Variants in NBAS observed in about 807,000 individuals in gnomAD.
NBAS encodes NAG/BC035112 fusion.
In NBAS, 219 loss-of-function variants were observed where a neutral mutation model predicts 302.5. That is an observed-to-expected ratio of 0.72 (90% CI 0.65 to 0.81). The LOEUF (loss-of-function observed/expected upper bound fraction) is 0.81, where lower values mean the gene tolerates loss of function less well. Among genes scored for constraint, NBAS ranks in the 30% least tolerant of loss-of-function variants. NBAS has a pLI of 0.00. For missense variants in NBAS, 2,932 were observed against 2,841.6 expected (o/e 1.03, Z -0.72); for synonymous variants, 1,118 against 1,021.6 (o/e 1.09, Z -1.80).
chr2:15,198,847 C>G (rs560816647), intron 48 of NBAS, among the ~76,000 whole-genome samples: 69 of 152,214 alleles, frequency 4.5e-4, no homozygotes, highest in Non-Finnish European at 7.9e-4. Flanking sequence ...GAAAAATTGG[C>G]CGGGCGCGGT....
At chr2:15,064,225 C>A in the NBAS span, among the ~76,000 whole-genome samples, 1 of 147,046 alleles carries the variant, frequency 6.8e-6, no homozygotes, top group Non-Finnish European at 1.5e-5. Flanking sequence ...AAAAAATTAA[C>A]AAACTGAGTT....
the NBAS span, among the ~76,000 whole-genome samples, chr2:15,116,641 C>CA: frequency 6.6e-6 from 1 of 152,140 alleles, no homozygotes; most frequent in South Asian, 2.1e-4. Context: ...GCATTAGTAG[C>CA]AAAAATAGGA....
chr2:14,892,457 G>A, the NBAS span, among the ~76,000 whole-genome samples: 3 of 152,096 alleles, frequency 2.0e-5, no homozygotes, highest in Non-Finnish European at 4.4e-5. Context: ...TTCCCTGTCC[G>A]ACAACTAATT....
chr2:15,395,774 ATACT>A (rs1675835671), intron 27 of NBAS, among the ~76,000 whole-genome samples: 1 of 152,076 alleles, frequency 6.6e-6, no homozygotes, highest in Non-Finnish European at 1.5e-5. Flanking sequence ...TTTTAATACA[ATACT>A]TAAAGTTAAA....
intron 21 of NBAS, among the ~76,000 whole-genome samples, chr2:15,446,948 T>TA (rs937497709): frequency 6.8e-6 from 1 of 146,708 alleles, no homozygotes; most frequent in Non-Finnish European, 1.5e-5. Context: ...AATATAATTA[T>TA]AAAAATATTC....
the NBAS span, among the ~76,000 whole-genome samples, chr2:15,094,564 C>T: frequency 6.6e-6 from 1 of 152,174 alleles, no homozygotes; most frequent in Non-Finnish European, 1.5e-5. Context: ...TTATTAAGAG[C>T]CTGCATGGCT....
chr2:15,426,951 C>G (rs919794105), intron 22 of NBAS, among the ~76,000 whole-genome samples: 2 of 152,106 alleles, frequency 1.3e-5, no homozygotes, highest in South Asian at 4.1e-4. Context: ...CTCTAAACTT[C>G]TACTTGGGGA....
At chr2:15,531,146 T>C (rs1380113086) in intron 9 of NBAS, among the ~76,000 whole-genome samples, 3 of 152,194 alleles carry the variant, frequency 2.0e-5, no homozygotes, top group African/African-American at 7.2e-5. Context: ...AAAAATATTA[T>C]TTCCCATGTA....
intron 48 of NBAS, among the ~76,000 whole-genome samples, chr2:15,215,962 C>A (rs1003302687): frequency 6.6e-5 from 10 of 152,220 alleles, no homozygotes; most frequent in African/African-American, 2.4e-4. Context: ...AGTTTTGTAA[C>A]ATTCCAGAAG....
chr2:15,102,090 C>A, the NBAS span, among the ~76,000 whole-genome samples: 1 of 152,202 alleles, frequency 6.6e-6, no homozygotes, highest in Non-Finnish European at 1.5e-5. Flanking sequence ...TGGTTAGTAG[C>A]ACATATATGT....
At position 15,467,695 on chromosome 2, in the gene NBAS, G is replaced by T. The variant is rs761330483; in HGVS notation, c.1987C>A (p.Gln663Lys). 6.2e-7 allele frequency: 1 copy of T among 1,612,706 alleles called. No individual in the cohort carries two copies. Among genetic ancestry groups the T allele is most frequent in the East Asian group, 2.2e-5 (1 of 44,776 alleles). The change falls in exon 18 of 52, where the codon CAA (glutamine) becomes AAA (lysine). Residue 663 changes from glutamine to lysine, a missense_variant. Physicochemically the swap from Gln to Lys is moderately conservative, Grantham distance 53. Transcript: ENST00000281513. ...NKKEKELKKR[Q>K]ELLKLVNFSK... ...AAGTTCACTAATTTCAGTAGTTCTT[G>T]TCTCTTCTTGAGCTCCTTTTCCTTT...
At chr2:15,512,312 C>T (rs996439646) in intron 9 of NBAS, among the ~76,000 whole-genome samples, 2 of 152,138 alleles carry the variant, frequency 1.3e-5, no homozygotes, top group African/African-American at 2.4e-5. Flanking sequence ...AATACGGACC[C>T]TTCAAGACCA....
Position 15,461,191 on chromosome 2 carries a change from A to T in NBAS, c.2339+10T>A, listed in dbSNP as rs750408182. 7.4e-6 allele frequency: 12 copies of T among 1,612,284 alleles called. No individual in the cohort carries two copies. In the South Asian group the frequency reaches 1.3e-4, roughly 18 times the overall value. ...AAAGAAGGTAAAATTCTGTTAACAT[A>T]GTCACATACCAAGCTTCGGGCAGCA... On this transcript the variant is annotated intron_variant, in intron 21 of 51. Coordinates refer to ENST00000281513, the MANE Select transcript of NBAS (RefSeq NM_015909.4).
In NBAS at chr2:15,292,498, T is replaced by G. The variant is rs755808892; in HGVS notation, c.5027+39A>C. On this transcript the variant is annotated intron_variant, in intron 41 of 51. Transcript: ENST00000281513. ...GTAACTGAACTTATTCTTTTGCAGT[T>G]TAAATCCATCCCCTTATGAAACAAA... The G allele has an allele frequency of 5.6e-6, 9 of 1,597,314 alleles. No homozygotes were observed. In the Admixed American group the frequency reaches 1.5e-4, roughly 27 times the overall value.
At chr2:14,942,272 T>C in the NBAS span, among the ~76,000 whole-genome samples, 2 of 152,198 alleles carry the variant, frequency 1.3e-5, no homozygotes, top group Non-Finnish European at 2.9e-5. Context: ...TGTCAAATAG[T>C]AATTCCCAAT....
chr2:15,212,753 G>A (rs560208988), intron 48 of NBAS, among the ~76,000 whole-genome samples: 7 of 152,194 alleles, frequency 4.6e-5, no homozygotes, highest in South Asian at 4.1e-4. Flanking sequence ...AGCCTCCTTC[G>A]CTTGGCTTTC....
chr2:15,448,678 G>A (rs1678866565), intron 21 of NBAS, among the ~76,000 whole-genome samples: 1 of 152,074 alleles, frequency 6.6e-6, no homozygotes, highest in South Asian at 2.1e-4. Flanking sequence ...AATGAAATAG[G>A]CACACACTGA....
At chr2:14,864,251 G>A in the NBAS span, among the ~76,000 whole-genome samples, 1 of 150,862 alleles carries the variant, frequency 6.6e-6, no homozygotes, top group Non-Finnish European at 1.5e-5. Flanking sequence ...CAGGAGGTAG[G>A]AGGAGGTTGT....
chr2:15,001,252 T>G, the NBAS span, among the ~76,000 whole-genome samples: 1 of 151,990 alleles, frequency 6.6e-6, no homozygotes, highest in East Asian at 1.9e-4. Flanking sequence ...TATACACATA[T>G]AGAGAGAGAG....
Sources: gnomAD v4.1 joint callset for allele counts (sites outside exome capture counted in the v4.1 genomes callset) on GRCh38, gnomAD v4.1.1 for gene constraint, MANE v1.5 for transcripts, NCBI Gene and HGNC (gene_info 2026-07-23, HGNC 2026-07-21) for gene names.